Variants in FHIT observed in about 807,000 individuals in gnomAD.
FHIT encodes the protein bis(5'-adenosyl)-triphosphatase.
A neutral mutation model predicts 17.9 loss-of-function variants in FHIT; 19 were observed. The ratio of observed to expected loss-of-function variants is 1.06; its 90% CI spans 0.74 to 1.56. FHIT has a LOEUF of 1.56. Ranked by LOEUF, FHIT falls within the 40% of genes most tolerant of loss-of-function variation. FHIT has a pLI of 0.00. For synonymous variants in FHIT, 81 were observed against 69.7 expected, an observed-to-expected ratio of 1.16 and a Z score of -0.81; for missense variants, 248 against 189.2, an observed-to-expected ratio of 1.31 and a Z score of -1.82.
chr3:60,801,029 A>G (rs1701169179), intron 4 of FHIT, among the ~76,000 whole-genome samples: 1 of 152,210 alleles, frequency 6.6e-6, no homozygotes. Context: ...CATCCTCTAC[A>G]GAGGGAAATA....
chr3:60,469,975 C>T (rs572362462), intron 5 of FHIT, among the ~76,000 whole-genome samples: 2 of 152,022 alleles, frequency 1.3e-5, no homozygotes, highest in African/African-American at 4.8e-5. Flanking sequence ...GGCAGAGACT[C>T]TTGTTCTCAT....
chr3:60,927,807 T>C (rs1436459493), intron 3 of FHIT, among the ~76,000 whole-genome samples: 1 of 152,108 alleles, frequency 6.6e-6, no homozygotes, highest in African/African-American at 2.4e-5. Context: ...ATCTGGGAGG[T>C]GTACCCACCA....
intron 5 of FHIT, among the ~76,000 whole-genome samples, chr3:60,276,362 C>A (rs908694448): frequency 2.0e-5 from 3 of 152,146 alleles, no homozygotes; most frequent in African/African-American, 7.2e-5. Flanking sequence ...CTAAAATACT[C>A]TGCTTATTTT....
intron 5 of FHIT, among the ~76,000 whole-genome samples, chr3:60,164,295 C>T (rs1701062282): frequency 6.6e-6 from 1 of 152,122 alleles, no homozygotes. Context: ...AAACAGGTGT[C>T]AGAATGACAT....
intron 4 of FHIT, among the ~76,000 whole-genome samples, chr3:60,811,966 G>A (rs747012402): frequency 2.0e-5 from 3 of 152,188 alleles, no homozygotes; most frequent in African/African-American, 7.2e-5. Context: ...CTAATTACAA[G>A]TAAAACACAA....
intron 4 of FHIT, among the ~76,000 whole-genome samples, chr3:60,772,314 C>CTATATATATATATATATATATATATA (rs61056807): frequency 7.0e-6 from 1 of 143,392 alleles, no homozygotes; most frequent in African/African-American, 2.6e-5. Flanking sequence ...CACTTCTCAT[C>CTATATATATATATATATATATATATA]TATATATATA....
intron 5 of FHIT, among the ~76,000 whole-genome samples, chr3:60,288,461 G>A (rs1707829410): frequency 6.6e-6 from 1 of 152,048 alleles, no homozygotes; most frequent in African/African-American, 2.4e-5. Context: ...TCACAATGTT[G>A]GTGGAAAGAT....
At chr3:59,806,432 T>C (rs1700199604) in intron 8 of FHIT, among the ~76,000 whole-genome samples, 1 of 152,064 alleles carries the variant, frequency 6.6e-6, no homozygotes, top group Non-Finnish European at 1.5e-5. Flanking sequence ...TTATACTCTT[T>C]CCAATGCTTC....
intron 5 of FHIT, among the ~76,000 whole-genome samples, chr3:60,419,884 C>G (rs951003538): frequency 1.3e-4 from 20 of 151,982 alleles, no homozygotes; most frequent in Non-Finnish European, 1.5e-5. Flanking sequence ...TTGGCTTTTA[C>G]CACTTAGAGA....
At chr3:60,644,920 T>A (rs973881267) in intron 4 of FHIT, among the ~76,000 whole-genome samples, 1 of 152,164 alleles carries the variant, frequency 6.6e-6, no homozygotes, top group Non-Finnish European at 1.5e-5. Context: ...TTGTGCTAGT[T>A]CTGTTATAAT....
chr3:60,146,064 T>A (rs1054090741), intron 5 of FHIT, among the ~76,000 whole-genome samples: 2 of 152,124 alleles, frequency 1.3e-5, no homozygotes, highest in South Asian at 4.1e-4. Context: ...ATGTTTATCA[T>A]AATGGCAAAA....
At chr3:60,863,460 A>C (rs1017815634) in intron 3 of FHIT, among the ~76,000 whole-genome samples, 2 of 152,208 alleles carry the variant, frequency 1.3e-5, no homozygotes, top group East Asian at 3.9e-4. Context: ...GTAATAGAAG[A>C]CTAATAAACC....
chr3:61,095,432 A>G (rs946710966), intron 2 of FHIT, among the ~76,000 whole-genome samples: 3 of 152,196 alleles, frequency 2.0e-5, no homozygotes, highest in Non-Finnish European at 4.4e-5. Context: ...CAGACTCCGC[A>G]AGGGCCTTTT....
At chr3:59,982,435 C>G (rs1375381682) in intron 7 of FHIT, among the ~76,000 whole-genome samples, 1 of 152,128 alleles carries the variant, frequency 6.6e-6, no homozygotes, top group African/African-American at 2.4e-5. Flanking sequence ...GCCAGTCCCA[C>G]AGGGTTTTCA....
chr3:61,120,294 C>A (rs1331288665), intron 2 of FHIT, among the ~76,000 whole-genome samples: 1 of 152,202 alleles, frequency 6.6e-6, no homozygotes, highest in African/African-American at 2.4e-5. Flanking sequence ...ACTTATATAA[C>A]AAACATTCAA....
At chr3:59,956,663 T>A (rs1236106484) in intron 7 of FHIT, among the ~76,000 whole-genome samples, 1 of 151,960 alleles carries the variant, frequency 6.6e-6, no homozygotes, top group African/African-American at 2.4e-5. Context: ...CAAGACTGTC[T>A]CCAAAAATAA....
chr3:60,533,866 G>C (rs2035878726), intron 5 of FHIT, among the ~76,000 whole-genome samples: 1 of 152,166 alleles, frequency 6.6e-6, no homozygotes, highest in Non-Finnish European at 1.5e-5. Flanking sequence ...AGAGAAGAAT[G>C]ATATGGTCAG....
Position 61,062,258 on chromosome 3 carries a change from C to T in FHIT, c.-163-20159G>A, listed in dbSNP as rs116655545. Among the ~76,000 whole-genome samples, 712 of 152,148 alleles carry T rather than the reference C, an allele frequency of 4.7e-3. 3 individuals are homozygous for T. The highest frequency in any genetic ancestry group is 8.5e-3 in the Non-Finnish European group (579 of 68,010). ...TGCCCATAGTGCTTATTATCCTAAC[C>T]AACTGATTGATATTTTTAGTTTAAT... On this transcript the variant is annotated intron_variant, in intron 2 of 9. Coordinates refer to ENST00000492590, the MANE Select transcript of FHIT (RefSeq NM_002012.4).
intron 2 of FHIT, among the ~76,000 whole-genome samples, chr3:61,189,805 A>T (rs1267780545): frequency 6.6e-6 from 1 of 152,130 alleles, no homozygotes; most frequent in African/African-American, 2.4e-5. Flanking sequence ...CTGATCTTTG[A>T]CAAACCTGAG....
Sources: gnomAD v4.1 joint callset for allele counts (sites outside exome capture counted in the v4.1 genomes callset) on GRCh38, gnomAD v4.1.1 for gene constraint, MANE v1.5 for transcripts, NCBI Gene and HGNC (gene_info 2026-07-23, HGNC 2026-07-21) for gene names.